The following SNX24 variants were observed in gnomAD, a reference collection of about 807,000 sequenced individuals.
SNX24 encodes sorting nexin-24.
Under a neutral mutation model 28.7 loss-of-function variants are expected in SNX24, and 22 were observed. That is an observed-to-expected ratio of 0.77 (90% CI 0.55 to 1.10). The LOEUF (loss-of-function observed/expected upper bound fraction) is 1.10, where lower values mean the gene tolerates loss of function less well. SNX24 is among the 50% of genes least tolerant of loss of function. The pLI is 0.00. For missense variants in SNX24, 221 were observed against 201.1 expected (o/e 1.10, Z -0.60); for synonymous variants, 69 against 71.5 (o/e 0.96, Z 0.18).
intron 1 of SNX24, among the ~76,000 whole-genome samples, chr5:122,866,472 C>A (rs1483568235): frequency 6.6e-6 from 1 of 152,162 alleles, no homozygotes; most frequent in Non-Finnish European, 1.5e-5. Flanking sequence ...ATAAATACCT[C>A]TACCCATTCC....
intron 1 of SNX24, among the ~76,000 whole-genome samples, chr5:122,919,797 A>G (rs911447071): frequency 5.3e-5 from 8 of 152,124 alleles, no homozygotes; most frequent in Non-Finnish European, 2.9e-5. Flanking sequence ...TCCCCTCCCA[A>G]ACCAGGTGCT....
chr5:122,873,574 C>T (rs1046784605), intron 1 of SNX24, among the ~76,000 whole-genome samples: 1 of 152,034 alleles, frequency 6.6e-6, no homozygotes, highest in Admixed American at 6.6e-5. Context: ...GGTGAAGGCA[C>T]AGAGGTGTGG....
At chr5:122,993,392 G>A (rs532926809) in intron 3 of SNX24, among the ~76,000 whole-genome samples, 36 of 149,620 alleles carry the variant, frequency 2.4e-4, no homozygotes, top group African/African-American at 7.4e-4. Flanking sequence ...TCTGCCTCCC[G>A]GGTTCATGCC....
In SNX24 at chr5:122,961,961, T is replaced by C. The variant is rs909303689; in HGVS notation, c.249+15802T>C. 2.0e-5 allele frequency among the ~76,000 whole-genome samples: 3 copies of C among 152,210 alleles called. No individual in the cohort carries two copies. In the East Asian group the frequency reaches 5.8e-4, roughly 29 times the overall value. On this transcript the variant is annotated intron_variant, in intron 3 of 6. Coordinates refer to ENST00000261369, the MANE Select transcript of SNX24 (RefSeq NM_014035.4). ...ACTTTAGAAGCTTTTGTTTTGTAAA[T>C]TTAGTTTTTGTAGACAGTGACCTAT... is the stretch of plus-strand genomic sequence containing the variant.
intron 3 of SNX24, among the ~76,000 whole-genome samples, chr5:122,949,720 G>A (rs935045556): frequency 6.6e-6 from 1 of 152,124 alleles, no homozygotes; most frequent in African/African-American, 2.4e-5. Context: ...GGTTACATAA[G>A]TGAGTTTTAA....
intron 1 of SNX24, among the ~76,000 whole-genome samples, chr5:122,854,516 AAAAAAAAAAAAC>A (rs1449908504): frequency 8.4e-4 from 13 of 15,474 alleles, no homozygotes; most frequent in African/African-American, 3.5e-3. Context: ...TCAAAAAAAC[AAAAAAAAAAAAC>A]AAAAAAAAAA....
In SNX24 at chr5:122,985,142, C is replaced by T. The variant is rs528036847; in HGVS notation, c.250-14770C>T. Among the ~76,000 whole-genome samples the T allele has an allele frequency of 1.8e-4, 27 of 152,232 alleles. 1 individual carries two copies. In the South Asian group the frequency reaches 5.2e-3, roughly 29 times the overall value. ...GGCTTATTTTGTGGTAACTTATAAC[C>T]ATATCATCTCATGTCATGACCGTGT... On this transcript the variant is annotated intron_variant, in intron 3 of 6. Transcript: ENST00000261369.
chr5:122,846,780 T>C (rs994295736), intron 1 of SNX24, among the ~76,000 whole-genome samples: 1 of 152,146 alleles, frequency 6.6e-6, no homozygotes, highest in Non-Finnish European at 1.5e-5. Flanking sequence ...TGGATCCAAG[T>C]GTTCTGAAAC....
intron 1 of SNX24, among the ~76,000 whole-genome samples, chr5:122,864,693 C>T (rs1025752263): frequency 7.9e-5 from 12 of 152,276 alleles, no homozygotes; most frequent in African/African-American, 2.9e-4. Context: ...GCCAGTTTAT[C>T]GATGTGGGTG....
At chr5:122,857,531 G>C (rs895115498) in intron 1 of SNX24, among the ~76,000 whole-genome samples, 4 of 151,932 alleles carry the variant, frequency 2.6e-5, no homozygotes, top group African/African-American at 9.7e-5. Flanking sequence ...GTACCTGATA[G>C]TTACTTTTTC....
chr5:122,857,455 T>C (rs987675339), intron 1 of SNX24, among the ~76,000 whole-genome samples: 1 of 152,034 alleles, frequency 6.6e-6, no homozygotes, highest in Non-Finnish European at 1.5e-5. Flanking sequence ...CTGTTTGTTA[T>C]ATAGGTAAAC....
At chr5:122,965,100 A>G (rs1000115874) in intron 3 of SNX24, among the ~76,000 whole-genome samples, 1 of 152,214 alleles carries the variant, frequency 6.6e-6, no homozygotes, top group African/African-American at 2.4e-5. Context: ...CCTTAATTTC[A>G]TTAAACACTG....
chr5:123,023,224 A>T lies in SNX24; in HGVS notation n.384-6014A>T, dbSNP rs369112049. On this transcript the variant is annotated intron_variant and non_coding_transcript_variant, in intron 5 of 5. Transcript: ENST00000502387. ...CAATAAGTAAATAATCACCTTAAGT[A>T]TATGAGATGTGGATGGGCATAATTT... The T allele has an allele frequency of 1.1e-4, 16 of 152,366 alleles. 2 individuals carry two copies. The highest frequency in any genetic ancestry group is 3.9e-4 in the East Asian group (2 of 5,194). The allele number at this position is 152,366 out of a possible 1,614,324, so 9.4% of individuals were successfully genotyped here. A position where few individuals can be genotyped will look rare whatever the true frequency, so the allele number is the denominator to read the frequency against.
intron 1 of SNX24, among the ~76,000 whole-genome samples, chr5:122,892,320 T>TA (rs1757008460): frequency 1.3e-5 from 2 of 152,226 alleles, no homozygotes; most frequent in Admixed American, 1.3e-4. Flanking sequence ...AATTACATTT[T>TA]ACCCTTTTGA....
At chr5:122,935,636 C>G (rs1397272047) in intron 1 of SNX24, among the ~76,000 whole-genome samples, 2 of 152,158 alleles carry the variant, frequency 1.3e-5, no homozygotes, top group African/African-American at 4.8e-5. Flanking sequence ...TTCTGGATTT[C>G]TAAAATAGTC....
At chr5:122,951,128 G>C (rs543517274) in intron 3 of SNX24, among the ~76,000 whole-genome samples, 11 of 151,748 alleles carry the variant, frequency 7.2e-5, no homozygotes, top group Admixed American at 6.6e-5. Flanking sequence ...TTAGCCAGGC[G>C]TGGTGGCGGG....
intron 1 of SNX24, among the ~76,000 whole-genome samples, chr5:122,916,937 AC>A (rs1349014818): frequency 6.6e-6 from 1 of 152,144 alleles, no homozygotes; most frequent in Non-Finnish European, 1.5e-5. Flanking sequence ...GATCTAGAAA[AC>A]CTCACTACAT....
chr5:123,028,798 A>G, intron 5 of SNX24: 2 of 1,613,604 alleles, frequency 1.2e-6, no homozygotes, highest in Middle Eastern at 1.7e-4. Flanking sequence ...TCCAGTGGTG[A>G]TGTCACCTCC....
intron 3 of SNX24, among the ~76,000 whole-genome samples, chr5:122,990,116 A>G (rs1435559577): frequency 6.6e-6 from 1 of 152,170 alleles, no homozygotes; most frequent in African/African-American, 2.4e-5. Context: ...CCATCTCCAC[A>G]AGGGCCACTT....
Sources: gnomAD v4.1 joint callset for allele counts (sites outside exome capture counted in the v4.1 genomes callset) on GRCh38, gnomAD v4.1.1 for gene constraint, MANE v1.5 for transcripts, NCBI Gene and HGNC (gene_info 2026-07-23, HGNC 2026-07-21) for gene names.